Variants in SRPK2 observed in about 807,000 individuals in gnomAD.
SRPK2 encodes SFRS protein kinase 2.
SRPK2 carries 21 observed loss-of-function variants against 90.8 expected under a neutral mutation model. The ratio of observed to expected loss-of-function variants is 0.23; its 90% confidence interval spans 0.16 to 0.33. SRPK2 has a LOEUF of 0.33. Ranked by LOEUF, SRPK2 falls within the 10% of genes least tolerant of loss-of-function variation. The probability of loss-of-function intolerance (pLI) is 1.00; values close to 1 mark genes in which losing one functional copy is unlikely to be tolerated. For synonymous variants in SRPK2, 288 were observed against 311.1 expected, an observed-to-expected ratio of 0.93 and a Z score of 0.78; for missense variants, 620 against 869.0, an observed-to-expected ratio of 0.71 and a Z score of 3.60.
chr7:105,212,135 C>T (rs1313322811), intron 2 of SRPK2, among the ~76,000 whole-genome samples: 1 of 152,146 alleles, frequency 6.6e-6, no homozygotes, highest in Non-Finnish European at 1.5e-5. Context: ...TGTCTTATGC[C>T]ACTAGTACTA....
intron 2 of SRPK2, among the ~76,000 whole-genome samples, chr7:105,255,939 A>G (rs1339473658): frequency 7.7e-6 from 1 of 129,576 alleles, no homozygotes; most frequent in Admixed American, 7.8e-5. Flanking sequence ...AAAAAAAAAA[A>G]AGAGAGAGAG....
chr7:105,265,042 C>G (rs1585431736), intron 2 of SRPK2, among the ~76,000 whole-genome samples: 1 of 152,300 alleles, frequency 6.6e-6, no homozygotes, highest in African/African-American at 2.4e-5. Context: ...CTTCTGTTCA[C>G]ACAGGATTCT....
intron 2 of SRPK2, among the ~76,000 whole-genome samples, chr7:105,365,798 TA>T (rs1563292491): frequency 6.6e-6 from 1 of 150,950 alleles, no homozygotes; most frequent in East Asian, 1.9e-4. Flanking sequence ...TCTTTTAATT[TA>T]AAAAAACAAA....
chr7:105,262,819 G>A (rs1323381130), intron 2 of SRPK2, among the ~76,000 whole-genome samples: 1 of 151,760 alleles, frequency 6.6e-6, no homozygotes, highest in Non-Finnish European at 1.5e-5. Flanking sequence ...CAAGGAAAAA[G>A]GAAGGGAGAA....
intron 2 of SRPK2, among the ~76,000 whole-genome samples, chr7:105,292,155 G>A (rs10252295): frequency 0.17 from 25,431 of 152,066 alleles, 2,806 homozygotes; most frequent in East Asian, 0.58. Flanking sequence ...TGAGTTGAAA[G>A]GTTACCTATC....
intron 2 of SRPK2, among the ~76,000 whole-genome samples, chr7:105,232,139 A>G (rs1218859623): frequency 6.6e-6 from 1 of 152,190 alleles, no homozygotes; most frequent in Non-Finnish European, 1.5e-5. Flanking sequence ...TCAAGGCATG[A>G]GCCACCACAC....
chr7:105,179,776 G>A (rs939269850), intron 3 of SRPK2, among the ~76,000 whole-genome samples: 2 of 124,128 alleles, frequency 1.6e-5, no homozygotes, highest in African/African-American at 6.2e-5. Context: ...AGTGAGCTGA[G>A]ATTGCGCCAT....
chr7:105,160,707 T>A, intron 6 of SRPK2, 94 bp from the exon 7 acceptor site: 1 of 675,180 alleles, frequency 1.5e-6, no homozygotes, highest in Non-Finnish European at 2.7e-6. Context: ...AAGCACTTAT[T>A]ACTTTATAAA....
chr7:105,206,050 T>G (rs947479004), intron 2 of SRPK2: 1 of 516,800 alleles, frequency 1.9e-6, no homozygotes, highest in Non-Finnish European at 3.9e-6. Context: ...ATTCTTGGAC[T>G]GGATAATTCA....
chr7:105,227,633 G>A (rs1798872543), intron 2 of SRPK2, among the ~76,000 whole-genome samples: 1 of 149,552 alleles, frequency 6.7e-6, no homozygotes, highest in South Asian at 2.3e-4. Context: ...AGGTAGGAAT[G>A]TAAAACGACT....
Position 105,142,391 on chromosome 7 carries a change from G to A in SRPK2, c.1160C>T (p.Thr387Met), listed in dbSNP as rs139991207. ...ATTGGTTTTAGGTGATTCTATCCAC[G>A]TAGGGTCTATGTTCGCAAGTTCCTG... The part of the protein sequence containing the change: ...VDQELANIDP[T>M]WIESPKTNGH... The change falls in exon 11 of 16, where the codon ACG (threonine) becomes ATG (methionine). Residue 387 changes from threonine (T) to methionine (M), a missense_variant. Physicochemically the swap from Thr to Met is moderately conservative, Grantham distance 81 (BLOSUM62 -1). Around this residue, in one of 8 missense-constraint regions of SRPK2, gnomAD observed 243 missense variants for 245.7 expected, o/e 0.99. Coordinates refer to ENST00000393651, the MANE Select transcript of SRPK2 (RefSeq NM_182692.3). 30 of 1,613,910 alleles carry A rather than the reference G, an allele frequency of 1.9e-5. No homozygotes were observed. The highest frequency in any genetic ancestry group is 5.5e-5 in the South Asian group (5 of 91,080).
At chr7:105,281,387 C>T (rs987488888) in intron 2 of SRPK2, among the ~76,000 whole-genome samples, 1 of 152,160 alleles carries the variant, frequency 6.6e-6, no homozygotes, top group Non-Finnish European at 1.5e-5. Flanking sequence ...TGAGCAACCA[C>T]GCCTGGCCTC....
chr7:105,167,560 T>C, intron 5 of SRPK2, 96 bp from the exon 6 acceptor site: 1 of 637,518 alleles, frequency 1.6e-6, no homozygotes, highest in Non-Finnish European at 2.5e-6. Context: ...AAGTATATTT[T>C]AAAATAAAAA....
At chr7:105,289,922 A>G (rs1185902758) in intron 2 of SRPK2, among the ~76,000 whole-genome samples, 1 of 151,962 alleles carries the variant, frequency 6.6e-6, no homozygotes, top group Non-Finnish European at 1.5e-5. Context: ...AGGATTATGA[A>G]TTAGCTTAAT....
At chr7:105,393,318 G>C (rs1428355830), upstream of SRPK2, among the ~76,000 whole-genome samples, 3 of 150,128 alleles carry the variant, frequency 2.0e-5, no homozygotes, top group African/African-American at 7.6e-5. Context: ...TTTTAGTGGA[G>C]ATGGGGTTTT....
exon 1 of SRPK2, chr7:105,399,189 A>G (rs972978842): frequency 1.3e-5 from 2 of 152,214 alleles, no homozygotes; most frequent in African/African-American, 4.8e-5. Flanking sequence ...GGAGCAGTTT[A>G]GCTGGTGAGT....
intron 2 of SRPK2, among the ~76,000 whole-genome samples, chr7:105,205,496 T>TTCTCTCTC (rs57970307): frequency 1.0e-4 from 14 of 137,762 alleles, no homozygotes; most frequent in Admixed American, 2.2e-4. Context: ...ATAATATTCA[T>TTCTCTCTC]TCTCTCTCTC....
intron 2 of SRPK2, among the ~76,000 whole-genome samples, chr7:105,235,030 C>A (rs1366973942): frequency 1.3e-5 from 2 of 152,046 alleles, no homozygotes; most frequent in South Asian, 4.2e-4. Context: ...CATCAGCTAT[C>A]GTTAGTGTTA....
intron 2 of SRPK2, among the ~76,000 whole-genome samples, chr7:105,248,119 C>T (rs1801964879): frequency 6.6e-6 from 1 of 152,164 alleles, no homozygotes. Context: ...TCCCAAACTG[C>T]TGGGATTACA....
Sources: allele counts gnomAD v4.1 joint callset (sites outside exome capture counted in the v4.1 genomes callset), GRCh38; gene constraint gnomAD v4.1.1; regional missense constraint gnomAD v4.1.1; transcripts MANE v1.5; gene names NCBI Gene and HGNC (gene_info 2026-07-23, HGNC 2026-07-21).